Variants in ABR observed in about 807,000 individuals in gnomAD.
ABR encodes ABR activator of RhoGEF and GTPase, also known as active breakpoint cluster region-related protein.
In ABR, 35 loss-of-function variants were observed where a neutral mutation model predicts 107.2. The observed-to-expected ratio is 0.33, with a 90% CI of 0.25 to 0.43. ABR has a LOEUF of 0.43. Ranked by LOEUF, ABR falls within the 20% of genes least tolerant of loss-of-function variation. ABR has a pLI of 1.00. For synonymous variants in ABR, 498 were observed against 462.0 expected (o/e 1.08, Z -1.00); for missense variants, 815 against 1,115.2 (o/e 0.73, Z 3.83).
intron 1 of ABR, among the ~76,000 whole-genome samples, chr17:1,146,284 C>T (rs10048163): frequency 0.011 from 1,626 of 148,522 alleles, 35 homozygotes; most frequent in African/African-American, 0.039. Flanking sequence ...CACACACACA[C>T]ACACACACAC....
chr17:1,077,001 AG>A (rs1455271938), intron 6 of ABR, among the ~76,000 whole-genome samples: 2 of 152,218 alleles, frequency 1.3e-5, no homozygotes, highest in Non-Finnish European at 2.9e-5. Flanking sequence ...TCTGTGCCCA[AG>A]GGTACTGAGT....
chr17:1,106,674 C>A (rs1355269749), intron 2 of ABR, among the ~76,000 whole-genome samples: 2 of 151,938 alleles, frequency 1.3e-5, no homozygotes, highest in African/African-American at 4.8e-5. Flanking sequence ...GGATTACAGA[C>A]GCCCACCACT....
rs1014996763 is a variant in ABR, at chr17:1,070,364, C to A, written c.895-274G>T. On this transcript the variant is annotated intron_variant, in intron 8 of 22. Transcript: ENST00000302538. This position sits in a 1 kb window ranked among gnomAD's most constrained non-coding sequence, Gnocchi z 4.2. ...GTTAAGTGCGGACAGTGAGGTCTGC[C>A]TCATAAGGTGACTCATCGAGATGGT... Among the ~76,000 whole-genome samples, 1 of 152,180 alleles carries A rather than the reference C, an allele frequency of 6.6e-6. No individual in the cohort carries two copies. The highest frequency in any genetic ancestry group is 1.5e-5 in the Non-Finnish European group (1 of 68,036).
chr17:1,169,850 T>G (rs985941120), intron 1 of ABR, among the ~76,000 whole-genome samples: 6 of 152,076 alleles, frequency 3.9e-5, no homozygotes, highest in African/African-American at 1.4e-4. Context: ...GCTTGGGCTC[T>G]GCCAAATCCC....
At chr17:1,049,239 C>T (rs1309031429) in intron 16 of ABR, among the ~76,000 whole-genome samples, 1 of 152,162 alleles carries the variant, frequency 6.6e-6, no homozygotes, top group Non-Finnish European at 1.5e-5. Flanking sequence ...GCGATCTCAG[C>T]TCACTGCAAC....
chr17:1,134,136 C>T (rs992816880), intron 1 of ABR, among the ~76,000 whole-genome samples: 9 of 152,006 alleles, frequency 5.9e-5, no homozygotes, highest in Non-Finnish European at 2.9e-5. Context: ...AAAAATTAGC[C>T]GGGTGGTGAC....
At chr17:1,024,989 C>A (rs1282620956) in intron 16 of ABR, among the ~76,000 whole-genome samples, 1 of 148,870 alleles carries the variant, frequency 6.7e-6, no homozygotes, top group African/African-American at 2.5e-5. Context: ...GGCGAGGTGG[C>A]GGGCGCCTGT....
chr17:1,125,514 G>A (rs1012312112), intron 1 of ABR, 147 bp from the exon 2 acceptor site: 5 of 695,654 alleles, frequency 7.2e-6, no homozygotes, highest in Non-Finnish European at 8.4e-6. Context: ...CTGTGCGGGG[G>A]CCTGGGCCTG....
intron 1 of ABR, among the ~76,000 whole-genome samples, chr17:1,201,112 G>A (rs186435386): frequency 6.6e-6 from 1 of 152,252 alleles, no homozygotes; most frequent in Non-Finnish European, 1.5e-5. Flanking sequence ...GATCAGAGGA[G>A]CAGCCGGGGA....
At chr17:1,223,304 A>AAC (rs56226163) in intron 1 of ABR, among the ~76,000 whole-genome samples, 1,682 of 149,244 alleles carry the variant, frequency 0.011, 27 homozygotes, top group Middle Eastern at 0.017. Context: ...AATCAGTAAC[A>AAC]ACACACACAC....
intron 1 of ABR, among the ~76,000 whole-genome samples, chr17:1,211,093 T>C (rs907888027): frequency 1.3e-5 from 2 of 151,870 alleles, no homozygotes; most frequent in African/African-American, 2.4e-5. Flanking sequence ...GCCTGTCCAA[T>C]ATGGTGAAAC....
chr17:1,010,401 G>T lies in ABR; in HGVS notation c.2236+328C>A. ...TAAGCCAGCCTCCTCCTTGGTTCTG[G>T]GATGCTGGCTTCTGGCCACTCACCT... On this transcript the variant is annotated intron_variant, in intron 20 of 22. Transcript: ENST00000302538. The surrounding 1 kb of genome is among the most constrained non-coding windows in gnomAD (Gnocchi z 4.1). 2.9e-6 allele frequency: 1 copy of T among 341,568 alleles called. No homozygotes were observed. Among genetic ancestry groups the T allele is most frequent in the Non-Finnish European group, 5.5e-6 (1 of 181,760 alleles). The allele number at this position is 341,568 out of a possible 1,614,324, so 21.2% of individuals were successfully genotyped here. A position where few individuals can be genotyped will look rare whatever the true frequency, so the allele number is the denominator to read the frequency against.
chr17:1,156,656 C>G (rs1033481394), intron 1 of ABR, among the ~76,000 whole-genome samples: 3 of 151,928 alleles, frequency 2.0e-5, no homozygotes, highest in African/African-American at 7.3e-5. Flanking sequence ...TGCACTCCAG[C>G]CTGGGTGACA....
At position 1,037,081 on chromosome 17, in the gene ABR, A is replaced by T. The variant is rs544021661; in HGVS notation, c.1791+12969T>A. 7.6e-6 allele frequency among the ~76,000 whole-genome samples: 1 copy of T among 132,132 alleles called. No homozygotes were observed. The highest frequency in any genetic ancestry group is 3.0e-5 in the African/African-American group (1 of 33,480). The allele number at this position is 132,132 out of a possible 152,430, so 86.7% of individuals were successfully genotyped here. On this transcript the variant is annotated intron_variant, in intron 16 of 22. Coordinates refer to ENST00000302538, the MANE Select transcript of ABR (RefSeq NM_021962.5). The surrounding 1 kb of genome is among the most constrained non-coding windows in gnomAD (Gnocchi z 4.6). ...CACCCATCCATCCACCCACCCACCC[A>T]TCCTTCCATCCATCCATCCATCCAT... is the stretch of plus-strand genomic sequence containing the variant.
intron 1 of ABR, among the ~76,000 whole-genome samples, chr17:1,140,618 T>C (rs1238833270): frequency 1.3e-5 from 2 of 152,256 alleles, no homozygotes; most frequent in Admixed American, 6.5e-5. Flanking sequence ...AGTCTCAATC[T>C]GTCACCCAGG....
intron 10 of ABR, among the ~76,000 whole-genome samples, chr17:1,065,909 C>G (rs1490465217): frequency 6.6e-6 from 1 of 152,040 alleles, no homozygotes; most frequent in Admixed American, 6.6e-5. Context: ...CCACGCCAGG[C>G]TAATTTTGTA....
At position 1,027,537 on chromosome 17, in the gene ABR, C is replaced by T. The variant is rs555306772; in HGVS notation, c.1792-14373G>A. 1.2e-4 allele frequency among the ~76,000 whole-genome samples: 19 copies of T among 152,280 alleles called. No homozygotes were observed. In the South Asian group the frequency reaches 3.9e-3, roughly 32 times the overall value. ...GAGAGATCAGAGAGTACTCATGAGG[C>T]CCCAGCAGTGAGGTCTGCCCACTCG... On this transcript the variant is annotated intron_variant, in intron 16 of 22. Coordinates refer to ENST00000302538, the MANE Select transcript of ABR (RefSeq NM_021962.5). The surrounding 1 kb of genome is among the most constrained non-coding windows in gnomAD (Gnocchi z 4.7).
intron 16 of ABR, among the ~76,000 whole-genome samples, chr17:1,019,413 G>C (rs1439828011): frequency 6.6e-6 from 1 of 152,232 alleles, no homozygotes; most frequent in Non-Finnish European, 1.5e-5. Flanking sequence ...TTCCTAAGCT[G>C]TAAGCCCCTC....
At chr17:1,125,455 C>T (rs547961402) in intron 1 of ABR, 88 bp from the exon 2 acceptor site, 27 of 1,508,224 alleles carry the variant, frequency 1.8e-5, no homozygotes, top group African/African-American at 1.1e-4. Context: ...CGGCGGCCCC[C>T]GGCAGCCATG....
Sources: gnomAD v4.1 joint callset for allele counts (sites outside exome capture counted in the v4.1 genomes callset) on GRCh38, gnomAD v4.1.1 for gene constraint, Gnocchi (gnomAD v3.1) non-coding constraint, MANE v1.5 for transcripts, NCBI Gene and HGNC (gene_info 2026-07-23, HGNC 2026-07-21) for gene names.